Variants in GRM1 observed in about 807,000 individuals in gnomAD.
The protein encoded by GRM1 is glutamate metabotropic receptor 1.
A neutral mutation model predicts 90.9 loss-of-function variants in GRM1; 33 were observed. The observed-to-expected ratio is 0.36, with a 90% confidence interval of 0.28 to 0.49. The LOEUF is 0.49. Ranked by LOEUF, GRM1 falls within the 20% of genes least tolerant of loss-of-function variation. The probability of loss-of-function intolerance (pLI) is 0.99; values close to 1 mark genes in which losing one functional copy is unlikely to be tolerated. For missense variants in GRM1, 1,190 were observed against 1,534.3 expected, an observed-to-expected ratio of 0.78 and a Z score of 3.75; for synonymous variants, 700 against 613.2, an observed-to-expected ratio of 1.14 and a Z score of -2.09.
Position 146,243,310 on chromosome 6 carries a change from T to A in GRM1, c.951-61301T>A, listed in dbSNP as rs1780933307. Among the ~76,000 whole-genome samples the A allele has an allele frequency of 2.0e-5, 3 of 152,152 alleles. No individual in the cohort carries two copies. In the South Asian group the frequency reaches 6.2e-4, roughly 31 times the overall value. On this transcript the variant is annotated intron_variant, in intron 2 of 7. Transcript: ENST00000282753. ...AGTCAGGACCTCAAGAAAGTTCCTG[T>A]ACTCAGTTCCTAAGTGGTACTCTGT...
intron 2 of GRM1, among the ~76,000 whole-genome samples, chr6:146,286,793 A>T (rs536950310): frequency 1.2e-4 from 19 of 152,322 alleles, no homozygotes; most frequent in African/African-American, 4.6e-4. Flanking sequence ...ACGGTGATAA[A>T]AAGTTCTGGA....
chr6:146,050,993 C>T (rs1345091935), intron 1 of GRM1, among the ~76,000 whole-genome samples: 2 of 151,980 alleles, frequency 1.3e-5, no homozygotes, highest in Non-Finnish European at 2.9e-5. Flanking sequence ...ACCAAAAGAG[C>T]TACTAGCCTT....
intron 1 of GRM1, among the ~76,000 whole-genome samples, chr6:146,120,316 A>G (rs1377901347): frequency 1.3e-5 from 2 of 152,226 alleles, no homozygotes; most frequent in African/African-American, 4.8e-5. Flanking sequence ...GAAGTTGCCT[A>G]TCAGCTTAAG....
intron 1 of GRM1, among the ~76,000 whole-genome samples, chr6:146,035,890 G>A (rs892211560): frequency 4.0e-5 from 6 of 151,882 alleles, no homozygotes; most frequent in African/African-American, 1.2e-4. Context: ...ATCCAAAGAC[G>A]AAAAAAATGA....
At chr6:146,068,717 A>G (rs940915792) in intron 1 of GRM1, among the ~76,000 whole-genome samples, 2 of 152,238 alleles carry the variant, frequency 1.3e-5, no homozygotes, top group South Asian at 4.1e-4. Flanking sequence ...TATTTCATGA[A>G]TCAGAATAAA....
chr6:146,208,694 A>C (rs1007111714), intron 2 of GRM1, among the ~76,000 whole-genome samples: 2 of 152,178 alleles, frequency 1.3e-5, no homozygotes, highest in African/African-American at 4.8e-5. Flanking sequence ...TATGAAATGC[A>C]CACACACATA....
chr6:146,203,476 T>A (rs191839585), intron 2 of GRM1, among the ~76,000 whole-genome samples: 2 of 152,298 alleles, frequency 1.3e-5, no homozygotes, highest in African/African-American at 4.8e-5. Context: ...TTCTCTTAGA[T>A]TCATCAACTA....
intron 1 of GRM1, among the ~76,000 whole-genome samples, chr6:146,073,337 A>T (rs1313869989): frequency 6.6e-6 from 1 of 152,154 alleles, no homozygotes; most frequent in Non-Finnish European, 1.5e-5. Context: ...ACACATAGTT[A>T]AAGCATACTT....
intron 3 of GRM1, 50 bp downstream of exon 3, chr6:146,304,896 A>T (rs1402891639): frequency 1.6e-6 from 2 of 1,244,670 alleles, no homozygotes; most frequent in Non-Finnish European, 2.4e-6. Context: ...CATCTCTTCT[A>T]GATTTATTGC....
At chr6:146,243,151 T>A (rs1241174060) in intron 2 of GRM1, among the ~76,000 whole-genome samples, 1 of 152,148 alleles carries the variant, frequency 6.6e-6, no homozygotes, top group Non-Finnish European at 1.5e-5. Flanking sequence ...TTAGTGAAAC[T>A]GTTGTCTTAA....
At chr6:146,111,464 A>G (rs1265153460) in intron 1 of GRM1, among the ~76,000 whole-genome samples, 2 of 150,172 alleles carry the variant, frequency 1.3e-5, no homozygotes, top group Non-Finnish European at 3.0e-5. Context: ...GTTGCAAGCA[A>G]TATTAAATGA....
chr6:146,185,959 T>C (rs1415913897), intron 2 of GRM1, among the ~76,000 whole-genome samples: 2 of 151,820 alleles, frequency 1.3e-5, no homozygotes, highest in African/African-American at 4.8e-5. Context: ...TCTTTTTTTT[T>C]AAATTTTGAG....
chr6:146,110,646 C>T (rs938342917), intron 1 of GRM1, among the ~76,000 whole-genome samples: 25 of 152,250 alleles, frequency 1.6e-4, no homozygotes, highest in Admixed American at 5.9e-4. Flanking sequence ...TTCAAGTCTC[C>T]CTCCTTCCTA....
chr6:146,263,151 G>A (rs1781760460), intron 2 of GRM1, among the ~76,000 whole-genome samples: 1 of 151,938 alleles, frequency 6.6e-6, no homozygotes, highest in South Asian at 2.1e-4. Context: ...TGATCAAAAT[G>A]CATGAAAAAT....
intron 2 of GRM1, among the ~76,000 whole-genome samples, chr6:146,272,741 A>G (rs1476714614): frequency 6.6e-6 from 1 of 152,202 alleles, no homozygotes; most frequent in Non-Finnish European, 1.5e-5. Flanking sequence ...CAAGAGTACC[A>G]AAAAAGAATA....
intron 5 of GRM1, among the ~76,000 whole-genome samples, chr6:146,361,570 A>G (rs1015560038): frequency 2.0e-5 from 3 of 152,184 alleles, no homozygotes; most frequent in Non-Finnish European, 2.9e-5. Context: ...AGGGACTAAC[A>G]TTGGTCAAGT....
chr6:146,274,303 A>T (rs1782279138), intron 2 of GRM1, among the ~76,000 whole-genome samples: 1 of 152,210 alleles, frequency 6.6e-6, no homozygotes. Context: ...AACTTGCATA[A>T]TTGCAATACA....
chr6:146,403,419 C>T (rs1253136529), intron 7 of GRM1, among the ~76,000 whole-genome samples: 3 of 152,054 alleles, frequency 2.0e-5, no homozygotes, highest in Non-Finnish European at 2.9e-5. Flanking sequence ...TACAACCTTT[C>T]CTCCCTAAAG....
chr6:146,065,957 GA>G (rs563583020), intron 1 of GRM1, among the ~76,000 whole-genome samples: 121 of 146,102 alleles, frequency 8.3e-4, no homozygotes, highest in African/African-American at 2.2e-3. Context: ...TGACTCAAAG[GA>G]AAAAAAAAAA....
Sources: allele counts gnomAD v4.1 joint callset (sites outside exome capture counted in the v4.1 genomes callset), GRCh38; gene constraint gnomAD v4.1.1; transcripts MANE v1.5; gene names NCBI Gene and HGNC (gene_info 2026-07-23, HGNC 2026-07-21).